MAP2: variants seen among roughly 807,000 people sequenced by gnomAD.
MAP2 encodes microtubule associated protein 2, also known as microtubule-associated protein 2.
Under a neutral mutation model 137.6 loss-of-function variants are expected in MAP2, and 14 were observed. That is an observed-to-expected ratio of 0.10 (90% CI 0.07 to 0.16). MAP2 has a LOEUF of 0.16. Among genes scored for constraint, MAP2 ranks in the 10% least tolerant of loss-of-function variants. The pLI is 1.00. For missense variants in MAP2, 2,088 were observed against 2,191.5 expected (o/e 0.95, Z 0.94); for synonymous variants, 786 against 782.3 (o/e 1.00, Z -0.08).
At chr2:209,592,743 CA>C in intron 3 of MAP2, among the ~76,000 whole-genome samples, 2 of 152,144 alleles carry the variant, frequency 1.3e-5, no homozygotes, top group Non-Finnish European at 1.5e-5. Flanking sequence ...ATGATGTGTC[CA>C]GATGAAGGTC....
intron 1 of MAP2, among the ~76,000 whole-genome samples, chr2:209,476,334 A>T (rs1362981651): frequency 6.6e-6 from 1 of 151,636 alleles, no homozygotes; most frequent in Non-Finnish European, 1.5e-5. Context: ...AAAGAGATCC[A>T]TTTACAGAAA....
intron 5 of MAP2, chr2:209,661,483 A>G: frequency 1.0e-6 from 1 of 984,444 alleles, no homozygotes; most frequent in Non-Finnish European, 1.2e-6. Flanking sequence ...GAGTGTGCAG[A>G]GCAGAGTTAT....
chr2:209,667,751 A>G (rs1407378927), intron 5 of MAP2, among the ~76,000 whole-genome samples: 2 of 151,990 alleles, frequency 1.3e-5, no homozygotes, highest in East Asian at 3.9e-4. Flanking sequence ...TGTGATTCTC[A>G]TTCCAAATGA....
intron 3 of MAP2, among the ~76,000 whole-genome samples, chr2:209,621,750 A>G (rs2091262369): frequency 6.6e-6 from 1 of 152,172 alleles, no homozygotes; most frequent in Non-Finnish European, 1.5e-5. Context: ...ACATGGCAAC[A>G]TTTTCTCCAG....
intron 3 of MAP2, among the ~76,000 whole-genome samples, chr2:209,606,026 C>T (rs571331168): frequency 6.6e-6 from 1 of 152,148 alleles, no homozygotes; most frequent in South Asian, 2.1e-4. Context: ...CATGTAAATA[C>T]TTATTTTATA....
rs146629544 is a variant in MAP2, at chr2:209,564,731, C to T, written c.-171-15305C>T. Among the ~76,000 whole-genome samples, 9 of 152,212 alleles carry T rather than the reference C, an allele frequency of 5.9e-5. No homozygotes were observed. In the East Asian group the frequency reaches 1.5e-3, roughly 26 times the overall value. ...CACAGATGCAAAGAATTAACCTTCT[C>T]ATAATCCTCACTTCTTTGGCTCATT... is the stretch of plus-strand genomic sequence containing the variant. On this transcript the variant is annotated intron_variant, in intron 2 of 15. Coordinates refer to ENST00000682079, the MANE Select transcript of MAP2 (RefSeq NM_001375505.1).
At chr2:209,517,336 A>G (rs1563123) in intron 2 of MAP2, among the ~76,000 whole-genome samples, 34,044 of 151,900 alleles carry the variant, frequency 0.22, 5,108 homozygotes, top group African/African-American at 0.43. Flanking sequence ...CTTCACTTTT[A>G]CATAAATATA....
chr2:209,492,514 A>G (rs557038756), intron 1 of MAP2, among the ~76,000 whole-genome samples: 16 of 152,344 alleles, frequency 1.1e-4, no homozygotes, highest in Non-Finnish European at 2.2e-4. Context: ...CTGTTTGCAG[A>G]TGACATAATT....
chr2:209,705,573 C>A lies in MAP2; in HGVS notation c.4585-7C>A. ...AACCCAATGTTCTTTTTGTTTTCTC[C>A]AATCAGGACGGAGTAACCAAGAGCC... is the stretch of plus-strand genomic sequence containing the variant. On this transcript the variant is annotated splice_polypyrimidine_tract_variant and splice_region_variant and intron_variant, in intron 11 of 15. Transcript: ENST00000682079. 1 of 1,572,276 alleles carries A rather than the reference C, an allele frequency of 6.4e-7. No homozygotes were observed. Among genetic ancestry groups the A allele is most frequent in the Non-Finnish European group, 8.6e-7 (1 of 1,162,010 alleles).
intron 7 of MAP2, among the ~76,000 whole-genome samples, chr2:209,682,138 A>C (rs750870327): frequency 9.2e-5 from 14 of 152,176 alleles, no homozygotes; most frequent in Non-Finnish European, 1.9e-4. Context: ...ATATTTATTG[A>C]GCCCTACAGT....
chr2:209,624,367 G>A (rs1042732410), intron 3 of MAP2, among the ~76,000 whole-genome samples: 6 of 152,132 alleles, frequency 3.9e-5, no homozygotes, highest in African/African-American at 1.2e-4. Flanking sequence ...TGCGTCCTTT[G>A]TAGTCCTCTA....
intron 2 of MAP2, among the ~76,000 whole-genome samples, chr2:209,524,117 C>A (rs991795172): frequency 6.6e-6 from 1 of 152,000 alleles, no homozygotes; most frequent in Non-Finnish European, 1.5e-5. Flanking sequence ...TGTTGTTTCA[C>A]AGCTTATTTT....
In MAP2 at chr2:209,693,225, C is replaced by G. The variant is rs764199070; in HGVS notation, c.1055C>G (p.Ser352Cys). 6.2e-7 allele frequency: 1 copy of G among 1,613,750 alleles called. No individual in the cohort carries two copies. The highest frequency in any genetic ancestry group is 1.1e-5 in the South Asian group (1 of 90,988). The change falls in exon 8 of 16, where the codon TCT (serine) becomes TGT (cysteine). Residue 352 changes from serine (S) to cysteine (C), a missense_variant. By Grantham distance (112) the Ser-to-Cys change is moderately radical (BLOSUM62 -1). This residue lies in a region of MAP2 where 859 missense variants were observed against 794.5 expected (regional missense o/e 1.08). Coordinates refer to ENST00000682079, the MANE Select transcript of MAP2 (RefSeq NM_001375505.1). ...PAFLQPDDKK[S>C]LQQTSGPATA... ...TTTTTACAGCCAGATGACAAAAAAT[C>G]TCTGCAACAAACCAGTGGCCCAGCT...
chr2:209,579,681 G>T (rs1457728699), intron 2 of MAP2: 4 of 152,174 alleles, frequency 2.6e-5, no homozygotes, highest in Non-Finnish European at 5.9e-5. Flanking sequence ...AGCCTGTGGG[G>T]ATAATGCTCC....
chr2:209,665,205 A>G lies in MAP2; in HGVS notation c.262+11773A>G, dbSNP rs569549718. 5.9e-5 allele frequency among the ~76,000 whole-genome samples: 9 copies of G among 152,310 alleles called. No homozygotes were observed. In the East Asian group the frequency reaches 1.7e-3, roughly 29 times the overall value. The stretch of plus-strand genomic sequence containing the variant: ...AGTAAAGAAAATATATCTTTGACTG[A>G]AGATAGCAGTAAGATATCAAATTGG... On this transcript the variant is annotated intron_variant, in intron 5 of 15. Coordinates refer to ENST00000682079, the MANE Select transcript of MAP2 (RefSeq NM_001375505.1).
At chr2:209,449,252 A>T (rs1358574081) in intron 1 of MAP2, among the ~76,000 whole-genome samples, 10 of 151,922 alleles carry the variant, frequency 6.6e-5, no homozygotes, top group South Asian at 2.1e-4. Flanking sequence ...CACTTTTTTT[A>T]AAAAATTAAA....
intron 4 of MAP2, among the ~76,000 whole-genome samples, chr2:209,634,298 C>A (rs890301948): frequency 6.6e-6 from 1 of 152,082 alleles, no homozygotes; most frequent in African/African-American, 2.4e-5. Flanking sequence ...TTCTTCAAAC[C>A]AAAAGGATTA....
At chr2:209,576,573 G>A (rs536420261) in intron 2 of MAP2, among the ~76,000 whole-genome samples, 2 of 152,194 alleles carry the variant, frequency 1.3e-5, no homozygotes, top group Admixed American at 6.5e-5. Flanking sequence ...ATTAAATGAA[G>A]TGTCTTGAAA....
chr2:209,700,201 C>T, intron 10 of MAP2, 76 bp from the exon 11 acceptor site: 2 of 1,176,816 alleles, frequency 1.7e-6, no homozygotes, highest in South Asian at 1.2e-5. Context: ...AACAGAATAT[C>T]CTACAGGTAT....
Sources: gnomAD v4.1 joint callset for allele counts (sites outside exome capture counted in the v4.1 genomes callset) on GRCh38, gnomAD v4.1.1 for gene constraint, gnomAD v4.1.1 regional missense constraint, MANE v1.5 for transcripts, NCBI Gene and HGNC (gene_info 2026-07-23, HGNC 2026-07-21) for gene names.